The following DOCK3 variants were observed in gnomAD, a reference collection of about 807,000 sequenced individuals.
DOCK3 encodes dedicator of cytokinesis 3, also known as dedicator of cytokinesis protein 3.
DOCK3 carries 60 observed loss-of-function variants against 265.6 expected under a neutral mutation model. The observed-to-expected ratio is 0.23, with a 90% CI of 0.18 to 0.28. The LOEUF (loss-of-function observed/expected upper bound fraction) is 0.28, where lower values mean the gene tolerates loss of function less well. Among genes scored for constraint, DOCK3 ranks in the 10% least tolerant of loss-of-function variants. The pLI, the probability that DOCK3 is intolerant of heterozygous loss-of-function variation, is 1.00. For missense variants in DOCK3, 1,981 were observed against 2,594.3 expected, an observed-to-expected ratio of 0.76 and a Z score of 5.14; for synonymous variants, 881 against 938.0, an observed-to-expected ratio of 0.94 and a Z score of 1.11.
chr3:50,935,280 C>T (rs988447248), intron 5 of DOCK3, among the ~76,000 whole-genome samples: 1 of 152,194 alleles, frequency 6.6e-6, no homozygotes, highest in Non-Finnish European at 1.5e-5. Context: ...GGCATTTCAG[C>T]AGTGGAATCC....
chr3:51,326,331 G>A (rs2084111457), intron 32 of DOCK3, among the ~76,000 whole-genome samples: 1 of 151,612 alleles, frequency 6.6e-6, no homozygotes, highest in South Asian at 2.1e-4. Context: ...CATGATCTCG[G>A]CTCACTGCAA....
intron 4 of DOCK3, among the ~76,000 whole-genome samples, chr3:50,920,909 C>A (rs2050418919): frequency 6.6e-6 from 1 of 152,184 alleles, no homozygotes; most frequent in South Asian, 2.1e-4. Context: ...TCCCTCTACA[C>A]ACTGCTTTGA....
intron 52 of DOCK3, among the ~76,000 whole-genome samples, chr3:51,380,553 T>C (rs782708130): frequency 1.3e-5 from 2 of 152,212 alleles, no homozygotes; most frequent in Non-Finnish European, 2.9e-5. Context: ...CTGTGGTGGA[T>C]CAGAGAGCAT....
chr3:50,986,775 C>A (rs1486639434), intron 5 of DOCK3, among the ~76,000 whole-genome samples: 1 of 152,152 alleles, frequency 6.6e-6, no homozygotes, highest in Middle Eastern at 3.2e-3. Flanking sequence ...TATACTTTTA[C>A]ACAGAACTCT....
intron 27 of DOCK3, among the ~76,000 whole-genome samples, chr3:51,288,885 GGTGTGTGT>G (rs776856235): frequency 3.4e-5 from 5 of 146,974 alleles, no homozygotes; most frequent in Admixed American, 2.0e-4. Flanking sequence ...TGTTTGTGTG[GGTGTGTGT>G]GTGTGTGTGG....
At chr3:50,948,438 C>G (rs2076498050) in intron 5 of DOCK3, among the ~76,000 whole-genome samples, 2 of 126,528 alleles carry the variant, frequency 1.6e-5, no homozygotes, top group South Asian at 2.6e-4. Flanking sequence ...GAGTCTCGCT[C>G]TGACTCCCAG....
chr3:51,324,699 G>A lies in DOCK3; in HGVS notation c.3403-5439G>A, dbSNP rs146794562. Among the ~76,000 whole-genome samples the A allele has an allele frequency of 7.2e-3, 1,102 of 152,252 alleles. 12 individuals carry two copies. The highest frequency in any genetic ancestry group is 0.058 in the South Asian group (278 of 4,820). ...AGGCTACGGTAACCAAAACAGCATG[G>A]TACTGGTACCAAAACAGATATATAG... On this transcript the variant is annotated intron_variant, in intron 32 of 52. Coordinates refer to ENST00000266037, the MANE Select transcript of DOCK3 (RefSeq NM_004947.5).
chr3:50,770,960 A>G (rs1279970384), intron 1 of DOCK3, among the ~76,000 whole-genome samples: 2 of 152,212 alleles, frequency 1.3e-5, no homozygotes, highest in African/African-American at 4.8e-5. Context: ...CAAAAATCAA[A>G]TCAAAATGGA....
chr3:50,851,379 G>A (rs569175028), intron 3 of DOCK3, among the ~76,000 whole-genome samples: 12 of 152,142 alleles, frequency 7.9e-5, no homozygotes, highest in African/African-American at 1.9e-4. Context: ...GGATCTCTGC[G>A]CAGTAAGGGT....
intron 1 of DOCK3, among the ~76,000 whole-genome samples, chr3:50,699,724 C>T (rs535383739): frequency 4.6e-5 from 7 of 152,188 alleles, no homozygotes; most frequent in African/African-American, 7.2e-5. Context: ...TTTACTGCAG[C>T]GCAAGAGGCT....
intron 5 of DOCK3, among the ~76,000 whole-genome samples, chr3:51,061,560 T>C: frequency 6.7e-6 from 1 of 149,748 alleles, no homozygotes; most frequent in East Asian, 2.0e-4. Context: ...CGGGGCCTGA[T>C]GTGGGGTGGG....
At chr3:51,258,787 C>T (rs750163763) in intron 22 of DOCK3, among the ~76,000 whole-genome samples, 1 of 152,178 alleles carries the variant, frequency 6.6e-6, no homozygotes, top group Non-Finnish European at 1.5e-5. Flanking sequence ...CTTAATCATA[C>T]AAAACCAAAA....
intron 25 of DOCK3, among the ~76,000 whole-genome samples, chr3:51,276,839 T>C (rs2080844907): frequency 6.6e-6 from 1 of 152,184 alleles, no homozygotes; most frequent in Non-Finnish European, 1.5e-5. Flanking sequence ...AGGAATCTCT[T>C]TGTGAGATAA....
intron 4 of DOCK3, among the ~76,000 whole-genome samples, chr3:50,904,254 T>G (rs528061475): frequency 6.6e-6 from 1 of 152,342 alleles, no homozygotes; most frequent in South Asian, 2.1e-4. Flanking sequence ...GTAGCATGAT[T>G]TATAATCCTT....
At chr3:51,324,378 C>G (rs1341551081) in intron 32 of DOCK3, among the ~76,000 whole-genome samples, 1 of 152,012 alleles carries the variant, frequency 6.6e-6, no homozygotes, top group African/African-American at 2.4e-5. Flanking sequence ...TGTGAAGGAC[C>G]CCGTCAAGGA....
chr3:50,970,968 A>G (rs796218196), intron 5 of DOCK3, among the ~76,000 whole-genome samples: 1,058 of 22,566 alleles, frequency 0.047, 54 homozygotes, highest in South Asian at 0.14. Flanking sequence ...GTGTGTGTGT[A>G]TATATATATA....
intron 2 of DOCK3, among the ~76,000 whole-genome samples, chr3:50,804,061 G>A (rs548994242): frequency 6.6e-6 from 1 of 151,790 alleles, no homozygotes; most frequent in Non-Finnish European, 1.5e-5. Flanking sequence ...GTTCCCAGAC[G>A]GGGTCGCGGC....
intron 4 of DOCK3, among the ~76,000 whole-genome samples, chr3:50,930,507 A>G (rs998210217): frequency 1.3e-5 from 2 of 152,168 alleles, no homozygotes; most frequent in Non-Finnish European, 2.9e-5. Context: ...CCCCTGGAGC[A>G]TGCAGCCCCG....
intron 2 of DOCK3, among the ~76,000 whole-genome samples, chr3:50,801,698 A>C (rs949040961): frequency 2.0e-5 from 3 of 152,186 alleles, no homozygotes; most frequent in Non-Finnish European, 2.9e-5. Flanking sequence ...ATGTTCTACA[A>C]ATATCTGTTA....
Sources: gnomAD v4.1 joint callset for allele counts (sites outside exome capture counted in the v4.1 genomes callset) on GRCh38, gnomAD v4.1.1 for gene constraint, MANE v1.5 for transcripts, NCBI Gene and HGNC (gene_info 2026-07-23, HGNC 2026-07-21) for gene names.